Variants in PDXDC1 observed in about 807,000 individuals in gnomAD.
The protein encoded by PDXDC1 is pyridoxal-dependent decarboxylase domain-containing protein 1.
In PDXDC1, 42 loss-of-function variants were observed where a neutral mutation model predicts 100.1. That is an observed-to-expected ratio of 0.42 (90% confidence interval 0.33 to 0.54). The LOEUF is 0.54. Ranked by LOEUF, PDXDC1 falls within the 20% of genes least tolerant of loss-of-function variation. PDXDC1 has a pLI of 0.10. For synonymous variants in PDXDC1, 260 were observed against 371.7 expected, an observed-to-expected ratio of 0.70 and a Z score of 3.46; for missense variants, 636 against 979.2, an observed-to-expected ratio of 0.65 and a Z score of 4.68.
chr16:15,074,996 G>A (rs2045390506), intron 16 of PDXDC1: 2 of 876,318 alleles, frequency 2.3e-6, no homozygotes, highest in Non-Finnish European at 3.4e-6. Flanking sequence ...ACATCTATAA[G>A]CCCAGCACTT....
At chr16:15,031,303 G>A (rs1292970595) in intron 16 of PDXDC1, among the ~76,000 whole-genome samples, 1 of 151,998 alleles carries the variant, frequency 6.6e-6, no homozygotes, top group African/African-American at 2.4e-5. Context: ...TGAGCCCTGA[G>A]GCCCGGCGCT....
chr16:15,112,179 C>A (rs1207453507), intron 16 of PDXDC1, among the ~76,000 whole-genome samples: 1 of 148,858 alleles, frequency 6.7e-6, no homozygotes, highest in Non-Finnish European at 1.5e-5. Flanking sequence ...CAAATCCCAT[C>A]TCAGATGTGG....
rs933895404 is a variant in PDXDC1, at chr16:15,132,635, G to A, written c.1400-6244G>A. On this transcript the variant is annotated intron_variant, in intron 16 of 16. Transcript: ENST00000535621. ...GCCCAGGCTGGAGGCTCAGCTCCTCGGCCAAGCTGCCCGTCTGCCCTGGGG... is the reference window on the plus strand; with the variant it reads ...GCCCAGGCTGGAGGCTCAGCTCCTCAGCCAAGCTGCCCGTCTGCCCTGGGG... 12 of 772,330 alleles carry A rather than the reference G, an allele frequency of 1.6e-5. 1 individual carries two copies. The highest frequency in any genetic ancestry group is 1.2e-4 in the Admixed American group (6 of 49,012). The allele number at this position is 772,330 out of a possible 1,614,324, so 47.8% of individuals were successfully genotyped here.
rs373465201 is a variant in PDXDC1 at position 15,036,192 on chromosome 16, G to T, written c.2284G>T (p.Asp762Tyr). The stretch of plus-strand genomic sequence containing the variant: ...AGGGGCTCCCAGCCCTCAGCACACC[G>T]ACCAGACCGAGGCCTTCCAGAAAGG... The part of the protein sequence containing the change: ...HPGAPSPQHT[D>Y]QTEAFQKGVP... Residue 762 changes from aspartate to tyrosine, a missense_variant, in exon 23 of 23, where the codon GAC becomes TAC. This residue lies in a region of PDXDC1 where 452 missense variants were observed against 402.9 expected (regional missense o/e 1.12). Coordinates refer to ENST00000396410, the MANE Select transcript of PDXDC1 (RefSeq NM_015027.4). 5 of 1,614,124 alleles carry T rather than the reference G, an allele frequency of 3.1e-6. No homozygotes were observed. The highest frequency in any genetic ancestry group is 1.1e-5 in the South Asian group (1 of 91,086).
intron 1 of PDXDC1, chr16:14,989,351 C>T (rs1160640762): frequency 1.2e-6 from 2 of 1,612,328 alleles, no homozygotes; most frequent in East Asian, 2.2e-5. Context: ...GGAGGCGGTT[C>T]ACCAGCTTCT....
At chr16:15,130,113 G>C (rs1016613581) in intron 16 of PDXDC1, 3 of 1,342,476 alleles carry the variant, frequency 2.2e-6, no homozygotes, top group Non-Finnish European at 3.1e-6. Flanking sequence ...AGGAGGTCAC[G>C]TGCAAGCTGT....
intron 3 of PDXDC1, among the ~76,000 whole-genome samples, chr16:14,999,664 A>G (rs1472744761): frequency 6.6e-6 from 1 of 152,262 alleles, no homozygotes; most frequent in Non-Finnish European, 1.5e-5. Flanking sequence ...TTAATTTGAT[A>G]AGATTTATTG....
intron 19 of PDXDC1, 176 bp from the exon 20 acceptor site, chr16:15,034,110 C>T (rs1311208310): frequency 4.9e-6 from 3 of 611,892 alleles, no homozygotes; most frequent in Non-Finnish European, 8.7e-6. Flanking sequence ...TCTGCCTAGG[C>T]CTCTATGAGC....
At chr16:15,044,314 GA>G (rs748843881) in intron 16 of PDXDC1, 1,338 of 1,428,584 alleles carry the variant, frequency 9.4e-4, no homozygotes, top group Middle Eastern at 1.3e-3. Flanking sequence ...TTGGGGGAAA[GA>G]AAAAAAAAAT....
rs543715783 is a variant in PDXDC1, at chr16:15,013,093, T to A, written c.728-3036T>A. 1.6e-4 allele frequency among the ~76,000 whole-genome samples: 24 copies of A among 151,104 alleles called. No individual in the cohort carries two copies. In the East Asian group the frequency reaches 4.7e-3, roughly 30 times the overall value. ...GCCGAGGCAGGAGAATGGCATGAAC[T>A]CGGGAGGCAGAGGTTGCAGTGAGGT... On this transcript the variant is annotated intron_variant, in intron 8 of 22. Coordinates refer to ENST00000396410, the MANE Select transcript of PDXDC1 (RefSeq NM_015027.4).
chr16:14,998,731 AG>A (rs1972534152), intron 3 of PDXDC1, among the ~76,000 whole-genome samples: 1 of 152,290 alleles, frequency 6.6e-6, no homozygotes, highest in Non-Finnish European at 1.5e-5. Flanking sequence ...CTGGGATTAC[AG>A]GTGTGAGCCA....
At chr16:15,008,651 T>TA (rs1306417679) in intron 6 of PDXDC1, 128 bp from the exon 7 acceptor site, 1 of 777,850 alleles carries the variant, frequency 1.3e-6, no homozygotes, top group African/African-American at 1.8e-5. Context: ...TTTATAATAT[T>TA]AAGAGTTCCT....
intron 16 of PDXDC1, among the ~76,000 whole-genome samples, chr16:15,059,854 T>C (rs938709450): frequency 3.9e-5 from 6 of 152,148 alleles, no homozygotes; most frequent in Non-Finnish European, 8.8e-5. Flanking sequence ...TCGCGGATAC[T>C]TCATATAGTG....
chr16:15,085,529 G>C, intron 16 of PDXDC1: 3 of 1,488,146 alleles, frequency 2.0e-6, no homozygotes, highest in Non-Finnish European at 2.8e-6. Flanking sequence ...TGTTGCCCAG[G>C]CTGGTCTCAA....
intron 1 of PDXDC1, among the ~76,000 whole-genome samples, chr16:14,984,495 A>ATATATATATTT (rs1555542734): frequency 2.7e-5 from 2 of 73,494 alleles, no homozygotes; most frequent in African/African-American, 1.0e-4. Context: ...ATATATATAT[A>ATATATATATTT]TTTTTTTTTT....
intron 16 of PDXDC1, chr16:15,061,879 G>C (rs1307059062): frequency 6.2e-7 from 1 of 1,613,148 alleles, no homozygotes; most frequent in Admixed American, 1.7e-5. Context: ...CTTTCAGAAA[G>C]TCATCATCTT....
chr16:15,124,465 G>C (rs962343481), intron 16 of PDXDC1, among the ~76,000 whole-genome samples: 5 of 152,020 alleles, frequency 3.3e-5, no homozygotes, highest in Non-Finnish European at 7.4e-5. Flanking sequence ...ACAACCCTAA[G>C]AAACAAGCAA....
chr16:15,141,084 AG>A (rs2048467010), downstream of PDXDC1, among the ~76,000 whole-genome samples: 3 of 135,100 alleles, frequency 2.2e-5, no homozygotes, highest in Admixed American at 8.2e-5. Context: ...AGCCCCTGCC[AG>A]TCCCTGCCAC....
chr16:15,071,611 T>C (rs1221052118), intron 16 of PDXDC1, among the ~76,000 whole-genome samples: 1 of 151,910 alleles, frequency 6.6e-6, no homozygotes, highest in African/African-American at 2.4e-5. Flanking sequence ...CTACTAAAAA[T>C]ACAAAAATTA....
Sources: gnomAD v4.1 joint callset for allele counts (sites outside exome capture counted in the v4.1 genomes callset) on GRCh38, gnomAD v4.1.1 for gene constraint, gnomAD v4.1.1 regional missense constraint, MANE v1.5 for transcripts, NCBI Gene and HGNC (gene_info 2026-07-23, HGNC 2026-07-21) for gene names.